Variants in OR1B1 observed in about 807,000 individuals in gnomAD.
OR1B1 encodes olfactory receptor 1B1.
For missense variants in OR1B1, 414 were observed against 402.1 expected (o/e 1.03, Z -0.25); for synonymous variants, 168 against 156.2 (o/e 1.08, Z -0.57).
the OR1B1 span, among the ~76,000 whole-genome samples, chr9:122,653,408 TCTTA>T: frequency 6.6e-6 from 1 of 152,306 alleles, no homozygotes; most frequent in Non-Finnish European, 1.5e-5. Flanking sequence ...GCCTCAATTT[TCTTA>T]CTTGTAAATG....
At chr9:122,646,836 A>G in the OR1B1 span, among the ~76,000 whole-genome samples, 2 of 152,182 alleles carry the variant, frequency 1.3e-5, no homozygotes, top group African/African-American at 4.8e-5. Context: ...TAAATGATGA[A>G]CCAATCAAAA....
At chr9:122,644,770 G>T in the OR1B1 span, among the ~76,000 whole-genome samples, 1 of 152,222 alleles carries the variant, frequency 6.6e-6, no homozygotes, top group African/African-American at 2.4e-5. Context: ...ACCATACCAT[G>T]ATTGGCCTTA....
At chr9:122,645,777 CT>C in the OR1B1 span, among the ~76,000 whole-genome samples, 6 of 152,072 alleles carry the variant, frequency 3.9e-5, no homozygotes, top group Non-Finnish European at 8.8e-5. Context: ...TAGACCTGTC[CT>C]ACAAGAAATG....
chr9:122,628,714 C>T, exon 1 of OR1B1: 1 of 1,613,908 alleles, frequency 6.2e-7, no homozygotes, highest in Non-Finnish European at 8.5e-7. Flanking sequence ...TGTCCTGATA[C>T]TGAGAGTTCT....
upstream of OR1B1, among the ~76,000 whole-genome samples, chr9:122,633,984 A>AC (rs1830230337): frequency 6.6e-6 from 1 of 151,676 alleles, no homozygotes; most frequent in African/African-American, 2.4e-5. Flanking sequence ...CTATTTTCAC[A>AC]CTGCTATAAA....
chr9:122,657,151 G>A, the OR1B1 span, among the ~76,000 whole-genome samples: 1 of 152,018 alleles, frequency 6.6e-6, no homozygotes, highest in African/African-American at 2.4e-5. Flanking sequence ...CTTTTAGTAT[G>A]AGGTTTATCA....
chr9:122,651,323 C>T, the OR1B1 span, among the ~76,000 whole-genome samples: 3 of 152,172 alleles, frequency 2.0e-5, no homozygotes, highest in Admixed American at 6.6e-5. Flanking sequence ...GTGTTGGGAA[C>T]ATTCAATATC....
the OR1B1 span, among the ~76,000 whole-genome samples, chr9:122,642,334 ACACATT>A: frequency 2.6e-5 from 4 of 152,308 alleles, 2 homozygotes; most frequent in South Asian, 8.3e-4. Flanking sequence ...TTCCCCACCC[ACACATT>A]CACCTGGCAA....
At chr9:122,634,267 T>G (rs1056840057), upstream of OR1B1, among the ~76,000 whole-genome samples, 29 of 144,960 alleles carry the variant, frequency 2.0e-4, no homozygotes, top group African/African-American at 7.2e-4. Context: ...ACCCGGGATG[T>G]GGAGGTTGTG....
chr9:122,632,957 G>A (rs539490357), upstream of OR1B1, among the ~76,000 whole-genome samples: 1 of 152,274 alleles, frequency 6.6e-6, no homozygotes, highest in Non-Finnish European at 1.5e-5. Context: ...GGCAGAAGTT[G>A]AAAGGCACAT....
At chr9:122,653,661 T>A in the OR1B1 span, among the ~76,000 whole-genome samples, 51 of 152,300 alleles carry the variant, frequency 3.3e-4, no homozygotes, top group South Asian at 1.0e-3. Context: ...CACTTCCCCC[T>A]GGCTGAAATT....
At chr9:122,628,648 A>G (rs747625429) in exon 1 of OR1B1, 4 of 1,613,972 alleles carry the variant, frequency 2.5e-6, no homozygotes, top group Non-Finnish European at 3.4e-6. Flanking sequence ...TGTGGAGGCT[A>G]TACACAAATG....
At chr9:122,652,253 G>T in the OR1B1 span, among the ~76,000 whole-genome samples, 3,781 of 152,122 alleles carry the variant, frequency 0.025, 155 homozygotes, top group East Asian at 0.19. Context: ...ACTTCTAAAA[G>T]TCATCAATTA....
chr9:122,644,611 G>A, the OR1B1 span, among the ~76,000 whole-genome samples: 1 of 152,208 alleles, frequency 6.6e-6, no homozygotes, highest in South Asian at 2.1e-4. Flanking sequence ...CACATCCCCA[G>A]TTCCAAGTGG....
chr9:122,628,967 A>G (rs1830171556), exon 1 of OR1B1: 1 of 1,614,160 alleles, frequency 6.2e-7, no homozygotes, highest in East Asian at 2.2e-5. Context: ...GGCTCGCAGA[A>G]GTGGCCGGTG....
the OR1B1 span, among the ~76,000 whole-genome samples, chr9:122,648,688 T>TA: frequency 7.2e-5 from 11 of 152,206 alleles, no homozygotes; most frequent in Non-Finnish European, 1.6e-4. Flanking sequence ...AAATACAACT[T>TA]ACAAGGGATT....
the OR1B1 span, among the ~76,000 whole-genome samples, chr9:122,635,613 C>A: frequency 2.0e-5 from 3 of 152,044 alleles, no homozygotes; most frequent in Admixed American, 1.3e-4. Flanking sequence ...TGTATGTGTA[C>A]ATTAAAACCT....
At chr9:122,653,332 A>G in the OR1B1 span, among the ~76,000 whole-genome samples, 2 of 152,212 alleles carry the variant, frequency 1.3e-5, no homozygotes, top group African/African-American at 4.8e-5. Context: ...ACCAAGTCTG[A>G]GTTGTAATCC....
chr9:122,643,206 G>T, the OR1B1 span, among the ~76,000 whole-genome samples: 2 of 152,154 alleles, frequency 1.3e-5, no homozygotes, highest in African/African-American at 4.8e-5. Context: ...GAAGGCTATT[G>T]AGAAGGGCAG....
Sources: gnomAD v4.1 joint callset for allele counts (sites outside exome capture counted in the v4.1 genomes callset) on GRCh38, gnomAD v4.1.1 for gene constraint, MANE v1.5 for transcripts, NCBI Gene and HGNC (gene_info 2026-07-23, HGNC 2026-07-21) for gene names.